PPP2R5A: variants seen among roughly 807,000 people sequenced by gnomAD.
PPP2R5A encodes protein phosphatase 2 regulatory subunit B'alpha.
A neutral mutation model predicts 64.2 loss-of-function variants in PPP2R5A; 25 were observed. The observed-to-expected ratio is 0.39, with a 90% CI of 0.28 to 0.54. The LOEUF is 0.54. Among genes scored for constraint, PPP2R5A ranks in the 20% least tolerant of loss-of-function variants. The probability of loss-of-function intolerance (pLI) is 0.67; values close to 1 mark genes in which losing one functional copy is unlikely to be tolerated. For synonymous variants in PPP2R5A, 198 were observed against 201.2 expected, an observed-to-expected ratio of 0.98 and a Z score of 0.13; for missense variants, 425 against 576.3, an observed-to-expected ratio of 0.74 and a Z score of 2.69.
At chr1:212,305,111 A>G (rs1484855990) in intron 1 of PPP2R5A, among the ~76,000 whole-genome samples, 1 of 137,744 alleles carries the variant, frequency 7.3e-6, no homozygotes, top group Non-Finnish European at 1.5e-5. Context: ...ATCTCAGCTC[A>G]CTGCAAGCTC....
At chr1:212,346,962 C>T (rs1285724394) in intron 5 of PPP2R5A, among the ~76,000 whole-genome samples, 1 of 152,160 alleles carries the variant, frequency 6.6e-6, no homozygotes, top group Non-Finnish European at 1.5e-5. Flanking sequence ...TAAAGAAATT[C>T]TGATTAAAAA....
Position 212,345,944 on chromosome 1 carries a change from C to T in PPP2R5A, c.704+11C>T, listed in dbSNP as rs1164618041. 1.3e-6 allele frequency: 2 copies of T among 1,577,000 alleles called. No homozygotes were observed. The highest frequency in any genetic ancestry group is 2.3e-5 in the South Asian group (2 of 86,628). ...CAACATTTTCCTCAGGTAAATTAAT[C>T]ATTTATTGTATATTGCACCTTTTCC... On this transcript the variant is annotated intron_variant, in intron 5 of 12. Coordinates refer to ENST00000261461, the MANE Select transcript of PPP2R5A (RefSeq NM_006243.4).
chr1:212,310,058 G>A (rs1658999673), intron 1 of PPP2R5A, among the ~76,000 whole-genome samples: 1 of 152,144 alleles, frequency 6.6e-6, no homozygotes, highest in African/African-American at 2.4e-5. Flanking sequence ...ATATGCCCAG[G>A]CACCTTGGGA....
At chr1:212,304,227 T>C (rs573246475) in intron 1 of PPP2R5A, among the ~76,000 whole-genome samples, 8 of 152,306 alleles carry the variant, frequency 5.3e-5, no homozygotes, top group African/African-American at 1.9e-4. Context: ...GATTTTTGAA[T>C]TTCCCAAAAA....
intron 1 of PPP2R5A, among the ~76,000 whole-genome samples, chr1:212,288,220 T>C (rs1658540764): frequency 6.6e-6 from 1 of 152,142 alleles, no homozygotes; most frequent in Non-Finnish European, 1.5e-5. Flanking sequence ...TTCACCATGT[T>C]GGTGAGGCTG....
chr1:212,300,471 A>C (rs1462196426), intron 1 of PPP2R5A, among the ~76,000 whole-genome samples: 1 of 152,182 alleles, frequency 6.6e-6, no homozygotes, highest in Non-Finnish European at 1.5e-5. Flanking sequence ...TTTTGTAAAA[A>C]CTTACAGACT....
intron 11 of PPP2R5A, 179 bp downstream of exon 11, chr1:212,357,463 G>T: frequency 1.8e-6 from 1 of 543,982 alleles, no homozygotes; most frequent in Non-Finnish European, 2.9e-6. Flanking sequence ...TTATAAATGT[G>T]TGTGTTTGTT....
chr1:212,344,465 G>A (rs957157347), intron 4 of PPP2R5A, among the ~76,000 whole-genome samples: 1 of 152,186 alleles, frequency 6.6e-6, no homozygotes, highest in Non-Finnish European at 1.5e-5. Context: ...TCTGGTTTCA[G>A]ATGCATGTGT....
In PPP2R5A at chr1:212,338,475, C is replaced by T. The variant is rs182054946; in HGVS notation, c.481-3713C>T. On this transcript the variant is annotated intron_variant, in intron 3 of 12. Coordinates refer to ENST00000261461, the MANE Select transcript of PPP2R5A (RefSeq NM_006243.4). ...GTATAGAAGACCATAGAAGGCTGGG[C>T]GCAGTGGCTCACGCCCACTTGTAAT... is the stretch of plus-strand genomic sequence containing the variant. Among the ~76,000 whole-genome samples, 183 of 152,140 alleles carry T rather than the reference C, an allele frequency of 1.2e-3. 2 individuals are homozygous for T. Among genetic ancestry groups the T allele is most frequent in the Admixed American group, 3.5e-3 (53 of 15,268 alleles).
chr1:212,341,598 T>C (rs1443947769), intron 3 of PPP2R5A, among the ~76,000 whole-genome samples: 1 of 152,202 alleles, frequency 6.6e-6, no homozygotes, highest in African/African-American at 2.4e-5. Flanking sequence ...TATTTAATTT[T>C]ATAGGCATTG....
At chr1:212,322,803 T>C (rs1659334624) in intron 1 of PPP2R5A, among the ~76,000 whole-genome samples, 2 of 129,292 alleles carry the variant, frequency 1.5e-5, no homozygotes, top group African/African-American at 5.4e-5. Flanking sequence ...TTCATTCTTT[T>C]GAGATGGAGT....
intron 1 of PPP2R5A, among the ~76,000 whole-genome samples, chr1:212,322,759 A>ATTTG (rs1483119871): frequency 1.2e-5 from 1 of 82,748 alleles, no homozygotes; most frequent in Non-Finnish European, 2.3e-5. Flanking sequence ...TTCTCATTTT[A>ATTTG]TTTATTTATT....
At position 212,357,671 on chromosome 1, in the gene PPP2R5A, C is replaced by G. The variant is rs551762369; in HGVS notation, c.1226+387C>G. On this transcript the variant is annotated intron_variant, in intron 11 of 12. Coordinates refer to ENST00000261461, the MANE Select transcript of PPP2R5A (RefSeq NM_006243.4). ...ACAAAAAATTAGCCGGGCGTGGTGG[C>G]GGGCGCCTGTGGTCCCATCTACTCG... Among the ~76,000 whole-genome samples the G allele has an allele frequency of 1.8e-3, 272 of 152,080 alleles. 1 individual carries two copies. The highest frequency in any genetic ancestry group is 6.4e-3 in the African/African-American group (266 of 41,504).
At chr1:212,339,564 CT>C (rs1250079917) in intron 3 of PPP2R5A, among the ~76,000 whole-genome samples, 1 of 152,144 alleles carries the variant, frequency 6.6e-6, no homozygotes, top group Non-Finnish European at 1.5e-5. Flanking sequence ...CTAATTTTGA[CT>C]GATCACCTAA....
In PPP2R5A at chr1:212,316,587, C is replaced by CTTTTTTTTTTTTTTT. The variant is rs751228809; in HGVS notation, c.182-12536_182-12522dup. Among the ~76,000 whole-genome samples, 44 of 36,686 alleles carry CTTTTTTTTTTTTTTT rather than the reference C, an allele frequency of 1.2e-3. 3 individuals are homozygous for CTTTTTTTTTTTTTTT. The highest frequency in any genetic ancestry group is 3.9e-3 in the East Asian group (3 of 764). 24.1% of individuals were successfully genotyped at this position (36,686 alleles called of 152,430 possible). A position where few individuals can be genotyped will look rare whatever the true frequency, so the allele number is the denominator to read the frequency against. ...ATGGATATTTAACCTTTGTGGGTGA[C>CTTTTTTTTTTTTTTT]TTTTTTTTTTTTTTTTTTTTTTTTT... On this transcript the variant is annotated intron_variant, in intron 1 of 12. Transcript: ENST00000261461.
chr1:212,338,979 T>C (rs1659636381), intron 3 of PPP2R5A, among the ~76,000 whole-genome samples: 1 of 152,106 alleles, frequency 6.6e-6, no homozygotes, highest in Admixed American at 6.5e-5. Flanking sequence ...AACAAAATAA[T>C]AATAAAATAA....
chr1:212,305,035 ATTTTTTT>A (rs3070963), intron 1 of PPP2R5A, among the ~76,000 whole-genome samples: 2 of 107,948 alleles, frequency 1.9e-5, no homozygotes, highest in Admixed American at 9.4e-5. Flanking sequence ...CCGGCCCCCA[ATTTTTTT>A]TTTTTTTTTT....
At chr1:212,301,266 C>T (rs1658795968) in intron 1 of PPP2R5A, among the ~76,000 whole-genome samples, 1 of 152,050 alleles carries the variant, frequency 6.6e-6, no homozygotes, top group Non-Finnish European at 1.5e-5. Context: ...CCACCTTGGC[C>T]CCCCCAAAGT....
At chr1:212,347,543 T>A (rs994854332) in intron 6 of PPP2R5A, 137 bp downstream of exon 6, 7 of 157,590 alleles carry the variant, frequency 4.4e-5, no homozygotes, top group Non-Finnish European at 7.1e-5. Context: ...AACTGAAGTC[T>A]TTTTTTTTTT....
Sources: allele counts gnomAD v4.1 joint callset (sites outside exome capture counted in the v4.1 genomes callset), GRCh38; gene constraint gnomAD v4.1.1; transcripts MANE v1.5; gene names NCBI Gene and HGNC (gene_info 2026-07-23, HGNC 2026-07-21).